ERC2: variants seen among roughly 807,000 people sequenced by gnomAD.
ERC2 encodes ERC protein 2.
A neutral mutation model predicts 114.8 loss-of-function variants in ERC2; 42 were observed. The observed-to-expected ratio is 0.37, with a 90% CI of 0.29 to 0.47. ERC2 has a LOEUF of 0.47. Ranked by LOEUF, ERC2 falls within the 20% of genes least tolerant of loss-of-function variation. The pLI is 0.99. For missense variants in ERC2, 939 were observed against 1,150.7 expected (o/e 0.82, Z 2.66); for synonymous variants, 454 against 425.5 (o/e 1.07, Z -0.82).
At chr3:56,006,596 A>G (rs1411807803) in intron 10 of ERC2, among the ~76,000 whole-genome samples, 5 of 152,248 alleles carry the variant, frequency 3.3e-5, no homozygotes, top group African/African-American at 1.2e-4. Context: ...CAGAGAAAAC[A>G]TGTTAATGCC....
At chr3:55,961,395 T>C (rs2068351964) in intron 12 of ERC2, among the ~76,000 whole-genome samples, 1 of 152,182 alleles carries the variant, frequency 6.6e-6, no homozygotes, top group African/African-American at 2.4e-5. Context: ...GGAAGCTGTC[T>C]TGGCCTATCA....
intron 17 of ERC2, among the ~76,000 whole-genome samples, chr3:55,569,547 T>C (rs900713397): frequency 6.6e-6 from 1 of 152,232 alleles, no homozygotes; most frequent in African/African-American, 2.4e-5. Flanking sequence ...AAAGATATCA[T>C]GTTAGCATTT....
chr3:56,224,434 G>A (rs1334058840), intron 3 of ERC2, among the ~76,000 whole-genome samples: 2 of 152,026 alleles, frequency 1.3e-5, no homozygotes, highest in Admixed American at 6.6e-5. Flanking sequence ...CAGGGGTGAG[G>A]GGTTTTTCAT....
chr3:56,145,886 T>G (rs1057080370), intron 5 of ERC2, among the ~76,000 whole-genome samples: 19 of 152,160 alleles, frequency 1.2e-4, no homozygotes, highest in Admixed American at 1.2e-3. Flanking sequence ...CCCTTCCATG[T>G]GCCTATTTAA....
At chr3:56,285,044 C>T (rs922420013) in intron 3 of ERC2, among the ~76,000 whole-genome samples, 3 of 150,468 alleles carry the variant, frequency 2.0e-5, no homozygotes, top group Non-Finnish European at 4.4e-5. Context: ...CACACACACA[C>T]ACACACACAC....
chr3:55,539,226 C>T (rs2054202249), intron 17 of ERC2, among the ~76,000 whole-genome samples: 2 of 152,030 alleles, frequency 1.3e-5, no homozygotes, highest in East Asian at 1.9e-4. Flanking sequence ...GCTGGAACTT[C>T]GCATGGCTTC....
chr3:55,556,324 A>G (rs1025856511), intron 17 of ERC2, among the ~76,000 whole-genome samples: 5 of 152,204 alleles, frequency 3.3e-5, no homozygotes, highest in South Asian at 2.1e-4. Context: ...GCAAAGAGCT[A>G]CAGCCTCTCA....
intron 17 of ERC2, among the ~76,000 whole-genome samples, chr3:55,617,690 G>C (rs1476868707): frequency 6.6e-6 from 1 of 152,204 alleles, no homozygotes; most frequent in Non-Finnish European, 1.5e-5. Context: ...AACATTTTCT[G>C]TCTGCCTACA....
At chr3:56,317,680 G>T (rs1402161121) in intron 2 of ERC2, among the ~76,000 whole-genome samples, 15 of 152,190 alleles carry the variant, frequency 9.9e-5, no homozygotes, top group Admixed American at 9.8e-4. Context: ...AGGCACTGGG[G>T]ATATAACAAT....
intron 6 of ERC2, among the ~76,000 whole-genome samples, chr3:56,119,108 T>C (rs954267242): frequency 6.6e-6 from 1 of 152,214 alleles, no homozygotes; most frequent in Non-Finnish European, 1.5e-5. Flanking sequence ...TATGTTCCAA[T>C]AAAACTTTAT....
chr3:56,192,523 CA>C (rs1485925116), intron 3 of ERC2, among the ~76,000 whole-genome samples: 1 of 152,150 alleles, frequency 6.6e-6, no homozygotes, highest in African/African-American at 2.4e-5. Flanking sequence ...CCCCACTTAA[CA>C]GCTGAGAAAC....
chr3:56,316,468 A>C (rs1361042128), intron 2 of ERC2, among the ~76,000 whole-genome samples: 1 of 152,178 alleles, frequency 6.6e-6, no homozygotes, highest in Non-Finnish European at 1.5e-5. Flanking sequence ...TAAGAACCTG[A>C]GTCCTGAATT....
chr3:55,597,749 C>T (rs953506495), intron 17 of ERC2, among the ~76,000 whole-genome samples: 2 of 152,182 alleles, frequency 1.3e-5, no homozygotes, highest in African/African-American at 2.4e-5. Flanking sequence ...GAGTAGGCAT[C>T]AATGAACATG....
At chr3:55,630,094 C>G (rs556522618) in intron 17 of ERC2, among the ~76,000 whole-genome samples, 1 of 152,324 alleles carries the variant, frequency 6.6e-6, no homozygotes, top group African/African-American at 2.4e-5. Flanking sequence ...AAGGACTTCA[C>G]ATTAATTAAA....
At chr3:55,648,596 G>A (rs1361982533) in intron 17 of ERC2, among the ~76,000 whole-genome samples, 1 of 152,304 alleles carries the variant, frequency 6.6e-6, no homozygotes. Flanking sequence ...CTGAGCAGAG[G>A]AGTCATACAT....
intron 17 of ERC2, among the ~76,000 whole-genome samples, chr3:55,571,124 C>CAAAAA (rs60594862): frequency 1.3e-4 from 9 of 67,434 alleles, no homozygotes; most frequent in East Asian, 7.6e-4. Flanking sequence ...GAGACTCCGT[C>CAAAAA]AAAAAAAAAA....
intron 1 of ERC2, among the ~76,000 whole-genome samples, chr3:56,447,212 C>G (rs1260273866): frequency 6.6e-6 from 1 of 152,238 alleles, no homozygotes; most frequent in Non-Finnish European, 1.5e-5. Context: ...TTGGCCTTCC[C>G]TTGCAGGACC....
intron 3 of ERC2, among the ~76,000 whole-genome samples, chr3:56,214,345 T>C (rs1055688768): frequency 4.0e-5 from 6 of 150,020 alleles, no homozygotes; most frequent in African/African-American, 1.2e-4. Flanking sequence ...ACGTGATGAA[T>C]GCACAAGCTT....
intron 14 of ERC2, 67 bp from the exon 15 acceptor site, chr3:55,734,985 A>C (rs2065534717): frequency 7.0e-7 from 1 of 1,425,786 alleles, no homozygotes; most frequent in Admixed American, 2.6e-5. Context: ...ATTGGCATTT[A>C]TAGTTGAAAT....
Sources: gnomAD v4.1 joint callset for allele counts (sites outside exome capture counted in the v4.1 genomes callset) on GRCh38, gnomAD v4.1.1 for gene constraint, MANE v1.5 for transcripts, NCBI Gene and HGNC (gene_info 2026-07-23, HGNC 2026-07-21) for gene names.